Variants in LRRTM3 observed in about 807,000 individuals in gnomAD.
The protein encoded by LRRTM3 is leucine-rich repeat transmembrane neuronal protein 3.
LRRTM3 carries 24 observed loss-of-function variants against 44.7 expected under a neutral mutation model. The ratio of observed to expected loss-of-function variants is 0.54; its 90% CI spans 0.39 to 0.76. The LOEUF (loss-of-function observed/expected upper bound fraction) is 0.76. Ranked by LOEUF, LRRTM3 falls within the 30% of genes least tolerant of loss-of-function variation. LRRTM3 has a pLI of 0.00. For missense variants in LRRTM3, 587 were observed against 702.2 expected (o/e 0.84, Z 1.85); for synonymous variants, 277 against 278.7 (o/e 0.99, Z 0.06).
At chr10:67,048,826 G>A (rs910296015) in intron 2 of LRRTM3, among the ~76,000 whole-genome samples, 3 of 152,004 alleles carry the variant, frequency 2.0e-5, no homozygotes, top group Admixed American at 2.0e-4. Context: ...GTAACATGAT[G>A]TCTCACCGTT....
intron 2 of LRRTM3, among the ~76,000 whole-genome samples, chr10:67,060,248 G>T (rs576870785): frequency 6.6e-6 from 1 of 152,240 alleles, no homozygotes; most frequent in Non-Finnish European, 1.5e-5. Flanking sequence ...GGCCTGGGAG[G>T]TAGAGGCTGC....
chr10:67,096,595 T>C (rs923474757), intron 2 of LRRTM3, among the ~76,000 whole-genome samples: 38 of 152,034 alleles, frequency 2.5e-4, no homozygotes, highest in Non-Finnish European at 1.3e-4. Context: ...GAAATCTGCC[T>C]ACTTTTTAGG....
chr10:67,076,911 T>C (rs937398195), intron 2 of LRRTM3, among the ~76,000 whole-genome samples: 1 of 152,230 alleles, frequency 6.6e-6, no homozygotes, highest in Non-Finnish European at 1.5e-5. Context: ...AGTACCTCCA[T>C]GACATCTCCA....
intron 2 of LRRTM3, among the ~76,000 whole-genome samples, chr10:67,075,170 GCACACA>G (rs57260841): frequency 3.3e-5 from 5 of 149,640 alleles, no homozygotes; most frequent in African/African-American, 1.2e-4. Context: ...AAGGATTTCT[GCACACA>G]CACACACACA....
At chr10:67,048,575 C>T (rs1854891574) in intron 2 of LRRTM3, among the ~76,000 whole-genome samples, 2 of 152,016 alleles carry the variant, frequency 1.3e-5, no homozygotes, top group African/African-American at 4.8e-5. Flanking sequence ...CTATTATATA[C>T]ATTATCACAA....
Position 67,089,584 on chromosome 10 carries a change from C to T in LRRTM3, c.1537-8003C>T, listed in dbSNP as rs2131903778. On this transcript the variant is annotated intron_variant, in intron 2 of 2. Coordinates refer to ENST00000361320, the MANE Select transcript of LRRTM3 (RefSeq NM_178011.5). ...TTGAATCACTTCTCAGCAATATGGA[C>T]TCTTGCCAATAAATCTCAAAAACAA... Among the ~76,000 whole-genome samples, 3 of 152,016 alleles carry T rather than the reference C, an allele frequency of 2.0e-5. No individual in the cohort carries two copies. The South Asian group carries it at 6.2e-4, about 32-fold the overall frequency.
At chr10:67,006,824 C>T (rs1308841566) in intron 2 of LRRTM3, among the ~76,000 whole-genome samples, 6 of 151,236 alleles carry the variant, frequency 4.0e-5, no homozygotes, top group African/African-American at 1.2e-4. Flanking sequence ...GATGGAGTCT[C>T]ACTCTGTTGC....
At chr10:66,950,353 A>T (rs1482594275) in intron 2 of LRRTM3, among the ~76,000 whole-genome samples, 1 of 151,386 alleles carries the variant, frequency 6.6e-6, no homozygotes, top group Admixed American at 6.6e-5. Flanking sequence ...GGGAGGAAAA[A>T]ATCTTACATT....
intron 2 of LRRTM3, among the ~76,000 whole-genome samples, chr10:67,074,441 C>G (rs550603644): frequency 6.7e-6 from 1 of 148,776 alleles, no homozygotes; most frequent in Non-Finnish European, 1.5e-5. Context: ...AGCTCCACCT[C>G]CCGGGTTCAC....
intron 2 of LRRTM3, among the ~76,000 whole-genome samples, chr10:67,082,965 C>A (rs1156509745): frequency 6.6e-6 from 1 of 152,126 alleles, no homozygotes; most frequent in African/African-American, 2.4e-5. Context: ...AACTGGATTG[C>A]TGAACCAGAC....
At chr10:67,011,503 G>A (rs1852336180) in intron 2 of LRRTM3, among the ~76,000 whole-genome samples, 1 of 152,066 alleles carries the variant, frequency 6.6e-6, no homozygotes, top group Non-Finnish European at 1.5e-5. Flanking sequence ...TTGTCTTTCT[G>A]GAGTTAAACT....
At chr10:66,930,616 T>C (rs1037969333) in intron 2 of LRRTM3, among the ~76,000 whole-genome samples, 2 of 152,316 alleles carry the variant, frequency 1.3e-5, no homozygotes, top group East Asian at 3.9e-4. Context: ...GGAATACTTA[T>C]ATTTTTGAAT....
chr10:66,981,208 C>A (rs1455780381), intron 2 of LRRTM3, among the ~76,000 whole-genome samples: 1 of 152,130 alleles, frequency 6.6e-6, no homozygotes, highest in Non-Finnish European at 1.5e-5. Context: ...CCAGCCACAT[C>A]CAGTTTTTCT....
At chr10:66,996,843 A>G (rs1288729476) in intron 2 of LRRTM3, among the ~76,000 whole-genome samples, 1 of 152,026 alleles carries the variant, frequency 6.6e-6, no homozygotes, top group Non-Finnish European at 1.5e-5. Context: ...CAGTAATTCT[A>G]AACAATTCCA....
intron 2 of LRRTM3, among the ~76,000 whole-genome samples, chr10:66,947,263 TG>T (rs1848319644): frequency 6.6e-6 from 1 of 152,198 alleles, no homozygotes; most frequent in Admixed American, 6.5e-5. Context: ...TACTCTCTAA[TG>T]GGGTATCTTG....
chr10:66,986,262 C>G (rs1283652605), intron 2 of LRRTM3, among the ~76,000 whole-genome samples: 1 of 152,024 alleles, frequency 6.6e-6, no homozygotes, highest in Non-Finnish European at 1.5e-5. Context: ...CTTTGAGAGG[C>G]CGAGGCAGGC....
Position 66,966,940 on chromosome 10 carries a change from GA to G in LRRTM3, c.1536+38490del, listed in dbSNP as rs1187016645. On this transcript the variant is annotated intron_variant, in intron 2 of 2. Coordinates refer to ENST00000361320, the MANE Select transcript of LRRTM3 (RefSeq NM_178011.5). ...CAAATTCAACTAAATGGGAGAATTA[GA>G]AGAGAAATTTTTTGTATTTGGATAT... Among the ~76,000 whole-genome samples, 4 of 152,088 alleles carry G rather than the reference GA, an allele frequency of 2.6e-5. No homozygotes were observed. In the East Asian group the frequency reaches 5.8e-4, roughly 22 times the overall value.
intron 2 of LRRTM3, among the ~76,000 whole-genome samples, chr10:67,004,539 A>G (rs1001561491): frequency 5.3e-5 from 8 of 152,046 alleles, no homozygotes; most frequent in Admixed American, 5.2e-4. Flanking sequence ...AACACAAGAT[A>G]TTTGTGGCTT....
chr10:67,011,927 A>G (rs1359800670), intron 2 of LRRTM3, among the ~76,000 whole-genome samples: 3 of 152,090 alleles, frequency 2.0e-5, no homozygotes, highest in Non-Finnish European at 2.9e-5. Flanking sequence ...CTTGAAACCC[A>G]CTATGGAGCC....
Sources: gnomAD v4.1 joint callset for allele counts (sites outside exome capture counted in the v4.1 genomes callset) on GRCh38, gnomAD v4.1.1 for gene constraint, MANE v1.5 for transcripts, NCBI Gene and HGNC (gene_info 2026-07-23, HGNC 2026-07-21) for gene names.